Variants in SLC24A3 observed in about 807,000 individuals in gnomAD.
The protein encoded by SLC24A3 is solute carrier family 24 member 3.
Under a neutral mutation model 75.8 loss-of-function variants are expected in SLC24A3, and 28 were observed. That is an observed-to-expected ratio of 0.37 (90% CI 0.27 to 0.51). SLC24A3 has a LOEUF of 0.51. Among genes scored for constraint, SLC24A3 ranks in the 20% least tolerant of loss-of-function variants. SLC24A3 has a pLI of 0.94. For synonymous variants in SLC24A3, 372 were observed against 334.1 expected, an observed-to-expected ratio of 1.11 and a Z score of -1.24; for missense variants, 663 against 847.8, an observed-to-expected ratio of 0.78 and a Z score of 2.71.
chr20:19,495,409 G>A (rs114288605), intron 2 of SLC24A3, among the ~76,000 whole-genome samples: 1,635 of 152,276 alleles, frequency 0.011, 24 homozygotes, highest in African/African-American at 0.038. Flanking sequence ...TTTTAGACAT[G>A]TTTTGTAAAA....
intron 2 of SLC24A3, among the ~76,000 whole-genome samples, chr20:19,485,550 C>A (rs1317264603): frequency 2.0e-5 from 3 of 152,142 alleles, no homozygotes; most frequent in Non-Finnish European, 4.4e-5. Flanking sequence ...GGACTTCATT[C>A]CTTCTTATCC....
intron 2 of SLC24A3, among the ~76,000 whole-genome samples, chr20:19,332,643 T>C (rs1985027052): frequency 1.3e-5 from 2 of 152,146 alleles, no homozygotes; most frequent in Admixed American, 1.3e-4. Context: ...AAACCCAGAA[T>C]GGGACTGAGG....
At chr20:19,255,437 G>C (rs186524558) in intron 1 of SLC24A3, among the ~76,000 whole-genome samples, 1 of 152,368 alleles carries the variant, frequency 6.6e-6, no homozygotes, top group East Asian at 1.9e-4. Context: ...TGAGAGAGAA[G>C]TGTGGACTTC....
chr20:19,689,683 T>TG (rs1347167125), intron 12 of SLC24A3, among the ~76,000 whole-genome samples: 3 of 152,142 alleles, frequency 2.0e-5, no homozygotes, highest in Non-Finnish European at 4.4e-5. Flanking sequence ...TGTCCAGAAA[T>TG]GTTGTTGACT....
In SLC24A3 at chr20:19,448,848, T is replaced by C. The variant is rs192062831; in HGVS notation, c.272-66640T>C. Among the ~76,000 whole-genome samples, 321 of 152,310 alleles carry C rather than the reference T, an allele frequency of 2.1e-3. 2 individuals carry two copies. Among genetic ancestry groups the C allele is most frequent in the African/African-American group, 7.3e-3 (305 of 41,578 alleles). ...GTCCTGGCCCCTACTCAACCCTCCATAAATTATTAGGATTTGAGAGAAAGC... is the reference window on the plus strand; with the variant it reads ...GTCCTGGCCCCTACTCAACCCTCCACAAATTATTAGGATTTGAGAGAAAGC... On this transcript the variant is annotated intron_variant, in intron 2 of 16. Transcript: ENST00000328041.
chr20:19,270,480 T>C lies in SLC24A3; in HGVS notation c.143-10479T>C, dbSNP rs373790197. On this transcript the variant is annotated intron_variant, in intron 1 of 16. Coordinates refer to ENST00000328041, the MANE Select transcript of SLC24A3 (RefSeq NM_020689.4). ...AGTTCTGGAGCCTGGAAGCCTAAGG[T>C]CAGGGTGCCAGCGTGGTCAGGTTCT... is the stretch of plus-strand genomic sequence containing the variant. Among the ~76,000 whole-genome samples the C allele has an allele frequency of 2.6e-5, 4 of 152,238 alleles. No homozygotes were observed. The East Asian group carries it at 7.7e-4, about 29-fold the overall frequency.
chr20:19,689,694 C>G (rs2032722894), intron 12 of SLC24A3, among the ~76,000 whole-genome samples: 1 of 152,142 alleles, frequency 6.6e-6, no homozygotes, highest in Non-Finnish European at 1.5e-5. Context: ...GTTGTTGACT[C>G]AAAGAGGAAA....
intron 2 of SLC24A3, among the ~76,000 whole-genome samples, chr20:19,359,575 C>T (rs1355567635): frequency 3.9e-5 from 6 of 152,174 alleles, no homozygotes; most frequent in South Asian, 2.1e-4. Context: ...GAGATTGAGG[C>T]ACCTCCATAG....
At chr20:19,491,187 A>G (rs1456688095) in intron 2 of SLC24A3, among the ~76,000 whole-genome samples, 2 of 152,106 alleles carry the variant, frequency 1.3e-5, no homozygotes, top group African/African-American at 2.4e-5. Flanking sequence ...TTCTTTCCCC[A>G]GGTCCCTCAC....
At chr20:19,480,516 C>A (rs1988035833) in intron 2 of SLC24A3, among the ~76,000 whole-genome samples, 1 of 152,188 alleles carries the variant, frequency 6.6e-6, no homozygotes, top group Non-Finnish European at 1.5e-5. Flanking sequence ...ATTGCAGAAA[C>A]TAGTTGGGGT....
chr20:19,377,225 A>G (rs1231606010), intron 2 of SLC24A3, among the ~76,000 whole-genome samples: 1 of 152,136 alleles, frequency 6.6e-6, no homozygotes, highest in African/African-American at 2.4e-5. Context: ...GTCACTTCCA[A>G]TTTAGGCACT....
intron 2 of SLC24A3, among the ~76,000 whole-genome samples, chr20:19,300,039 G>A (rs532881250): frequency 6.6e-6 from 1 of 152,304 alleles, no homozygotes; most frequent in Middle Eastern, 3.4e-3. Context: ...ACAATGAGAG[G>A]TAATTCCTGC....
chr20:19,299,387 G>A (rs1203140649), intron 2 of SLC24A3, among the ~76,000 whole-genome samples: 4 of 152,134 alleles, frequency 2.6e-5, no homozygotes, highest in Admixed American at 6.5e-5. Context: ...GGTCTAGAAT[G>A]AGAGGAAAAA....
intron 15 of SLC24A3, among the ~76,000 whole-genome samples, chr20:19,706,893 A>G (rs950398599): frequency 3.9e-5 from 6 of 152,130 alleles, no homozygotes; most frequent in Non-Finnish European, 7.4e-5. Flanking sequence ...CCCTAATGCT[A>G]AGTAACAAAA....
intron 2 of SLC24A3, among the ~76,000 whole-genome samples, chr20:19,512,180 G>A (rs775854524): frequency 1.4e-4 from 22 of 152,176 alleles, no homozygotes; most frequent in Non-Finnish European, 2.6e-4. Context: ...GCTGGGCATG[G>A]ATCAGAGAGC....
At chr20:19,428,010 G>C (rs956915931) in intron 2 of SLC24A3, among the ~76,000 whole-genome samples, 4 of 152,228 alleles carry the variant, frequency 2.6e-5, no homozygotes, top group African/African-American at 9.6e-5. Flanking sequence ...TTGCGTTGCT[G>C]TGCTCCTCAT....
chr20:19,366,113 A>C (rs776194214), intron 2 of SLC24A3, among the ~76,000 whole-genome samples: 1 of 148,690 alleles, frequency 6.7e-6, no homozygotes, highest in Non-Finnish European at 1.5e-5. Context: ...TTTTCAAGCT[A>C]TTATGCTACA....
chr20:19,541,740 A>T (rs756489559), intron 3 of SLC24A3, among the ~76,000 whole-genome samples: 1 of 152,246 alleles, frequency 6.6e-6, no homozygotes, highest in African/African-American at 2.4e-5. Context: ...TTTTGAAAAA[A>T]GTCAGGGAAA....
At chr20:19,679,059 T>A (rs2032574717) in intron 9 of SLC24A3, among the ~76,000 whole-genome samples, 1 of 142,626 alleles carries the variant, frequency 7.0e-6, no homozygotes, top group Non-Finnish European at 1.5e-5. Flanking sequence ...TCCCAGACGA[T>A]GGGCGGCCAG....
Sources: allele counts gnomAD v4.1 joint callset (sites outside exome capture counted in the v4.1 genomes callset), GRCh38; gene constraint gnomAD v4.1.1; transcripts MANE v1.5; gene names NCBI Gene and HGNC (gene_info 2026-07-23, HGNC 2026-07-21).